SLC30A8: variants seen among roughly 807,000 people sequenced by gnomAD.
The protein encoded by SLC30A8 is solute carrier family 30 member 8.
Under a neutral mutation model 36.9 loss-of-function variants are expected in SLC30A8, and 27 were observed. The ratio of observed to expected loss-of-function variants is 0.73; its 90% CI spans 0.54 to 1.01. The LOEUF (loss-of-function observed/expected upper bound fraction) is 1.01, where lower values mean the gene tolerates loss of function less well. Ranked by LOEUF, SLC30A8 falls within the 50% of genes least tolerant of loss-of-function variation. The pLI, the probability that SLC30A8 is intolerant of heterozygous loss-of-function variation, is 0.00. For missense variants in SLC30A8, 439 were observed against 452.0 expected (o/e 0.97, Z 0.26); for synonymous variants, 164 against 172.4 (o/e 0.95, Z 0.38).
chr8:117,017,444 G>A (rs1816554535), intron 1 of SLC30A8, among the ~76,000 whole-genome samples: 1 of 152,094 alleles, frequency 6.6e-6, no homozygotes. Flanking sequence ...TTCTATGTTT[G>A]TAGTGCTTTC....
chr8:117,053,088 T>C (rs1244631792), intron 2 of SLC30A8, among the ~76,000 whole-genome samples: 1 of 152,082 alleles, frequency 6.6e-6, no homozygotes, highest in Non-Finnish European at 1.5e-5. Flanking sequence ...TAAGTTTTTG[T>C]ATTTTTAGTA....
intron 2 of SLC30A8, among the ~76,000 whole-genome samples, chr8:117,066,088 T>C (rs1445356215): frequency 2.0e-5 from 3 of 152,180 alleles, no homozygotes; most frequent in Non-Finnish European, 4.4e-5. Context: ...ATCATCTTTC[T>C]ATCACTTGCT....
At chr8:117,154,298 A>G (rs1011489115) in intron 3 of SLC30A8, among the ~76,000 whole-genome samples, 14 of 149,852 alleles carry the variant, frequency 9.3e-5, no homozygotes, top group African/African-American at 3.4e-4. Flanking sequence ...CCTCTGTGTT[A>G]TTCCTTCTAT....
At chr8:117,100,074 C>T (rs765425595) in intron 2 of SLC30A8, among the ~76,000 whole-genome samples, 4 of 152,060 alleles carry the variant, frequency 2.6e-5, no homozygotes, top group Non-Finnish European at 5.9e-5. Flanking sequence ...TTCCTGTACC[C>T]TCAAACCCAT....
At chr8:117,166,881 C>T (rs1823084587) in intron 6 of SLC30A8, among the ~76,000 whole-genome samples, 1 of 146,272 alleles carries the variant, frequency 6.8e-6, no homozygotes, top group Non-Finnish European at 1.5e-5. Flanking sequence ...GCTAAGTATA[C>T]ATTTAAAGGT....
At chr8:117,131,631 A>G (rs1821142627), upstream of SLC30A8, among the ~76,000 whole-genome samples, 1 of 151,898 alleles carries the variant, frequency 6.6e-6, no homozygotes, top group Admixed American at 6.6e-5. Flanking sequence ...TTTTTCAATA[A>G]CCTTTATTTC....
intron 3 of SLC30A8, among the ~76,000 whole-genome samples, chr8:117,156,330 G>A (rs577734280): frequency 6.6e-6 from 1 of 152,244 alleles, no homozygotes; most frequent in African/African-American, 2.4e-5. Context: ...GGCATGAGCC[G>A]CCGCACCCAG....
intron 1 of SLC30A8, among the ~76,000 whole-genome samples, chr8:116,962,905 C>T (rs1043681774): frequency 6.6e-6 from 1 of 151,848 alleles, no homozygotes; most frequent in Non-Finnish European, 1.5e-5. Context: ...TCCCATGTGC[C>T]AAAGCAGGGT....
At chr8:117,083,977 GCTTTGCCGCC>G (rs1053956787) in intron 2 of SLC30A8, among the ~76,000 whole-genome samples, 1 of 152,122 alleles carries the variant, frequency 6.6e-6, no homozygotes, top group Non-Finnish European at 1.5e-5. Context: ...GCCCTACTGA[GCTTTGCCGCC>G]CCAAGATAAG....
At chr8:117,065,783 G>A (rs1269371052) in intron 2 of SLC30A8, among the ~76,000 whole-genome samples, 1 of 152,140 alleles carries the variant, frequency 6.6e-6, no homozygotes. Context: ...AGTCTTGTCT[G>A]TATAGTTAAT....
chr8:117,087,006 G>T (rs886676349), intron 2 of SLC30A8, among the ~76,000 whole-genome samples: 1 of 152,148 alleles, frequency 6.6e-6, no homozygotes, highest in African/African-American at 2.4e-5. Context: ...ATGTATATAG[G>T]CATTTCACAT....
chr8:117,040,523 G>GAAAGTGAGAATGAAA (rs1414550687), intron 2 of SLC30A8, among the ~76,000 whole-genome samples: 1 of 152,166 alleles, frequency 6.6e-6, no homozygotes, highest in African/African-American at 2.4e-5. Flanking sequence ...TATATAGTTG[G>GAAAGTGAGAATGAAA]AAAGTGAGAA....
At chr8:117,103,065 A>G (rs1005458976) in intron 2 of SLC30A8, among the ~76,000 whole-genome samples, 1 of 152,246 alleles carries the variant, frequency 6.6e-6, no homozygotes, top group Admixed American at 6.5e-5. Context: ...ATTAACTTGA[A>G]AAGTTCAAAA....
At chr8:117,067,724 G>A (rs1230992244) in intron 2 of SLC30A8, among the ~76,000 whole-genome samples, 1 of 152,018 alleles carries the variant, frequency 6.6e-6, no homozygotes, top group African/African-American at 2.4e-5. Context: ...TTAACTTTTA[G>A]GGACTATAAA....
chr8:117,066,491 A>G (rs1283382761), intron 2 of SLC30A8, among the ~76,000 whole-genome samples: 1 of 152,150 alleles, frequency 6.6e-6, no homozygotes, highest in Admixed American at 6.5e-5. Context: ...GTAACAGAAA[A>G]GTGATTTTTT....
chr8:116,991,186 A>T lies in SLC30A8; in HGVS notation c.-266+40067A>T, dbSNP rs184263437. Among the ~76,000 whole-genome samples, 1,442 of 152,006 alleles carry T rather than the reference A, an allele frequency of 9.5e-3. 33 individuals are homozygous for T. The highest frequency in any genetic ancestry group is 0.033 in the African/African-American group (1,385 of 41,450). On this transcript the variant is annotated intron_variant, in intron 1 of 10. Transcript: ENST00000427715. The stretch of plus-strand genomic sequence containing the variant: ...TAGAAGAATAGTCATCGTTTTAAAA[A>T]TTTTCCTTGCACTTTTACTCTCAAA...
intron 1 of SLC30A8, among the ~76,000 whole-genome samples, chr8:117,009,398 A>G (rs1349504237): frequency 6.6e-6 from 1 of 152,218 alleles, no homozygotes; most frequent in Admixed American, 6.5e-5. Flanking sequence ...AAAGGACCAA[A>G]TGAACTTGAA....
At chr8:117,015,215 A>G (rs752482935) in intron 1 of SLC30A8, among the ~76,000 whole-genome samples, 3 of 151,988 alleles carry the variant, frequency 2.0e-5, no homozygotes, top group African/African-American at 4.8e-5. Context: ...CTTTCTTTAT[A>G]TGTTCTACAC....
At chr8:117,025,351 C>T (rs1476865158) in intron 1 of SLC30A8, among the ~76,000 whole-genome samples, 1 of 152,050 alleles carries the variant, frequency 6.6e-6, no homozygotes, top group African/African-American at 2.4e-5. Flanking sequence ...CATTTTGAGC[C>T]TTCTGAAAAA....
Sources: allele counts gnomAD v4.1 joint callset (sites outside exome capture counted in the v4.1 genomes callset), GRCh38; gene constraint gnomAD v4.1.1; transcripts MANE v1.5; gene names NCBI Gene and HGNC (gene_info 2026-07-23, HGNC 2026-07-21).